The following ANKRD12 variants were observed in gnomAD, a reference collection of about 807,000 sequenced individuals.
ANKRD12 encodes ankyrin repeat domain 12.
A neutral mutation model predicts 183.4 loss-of-function variants in ANKRD12; 85 were observed. The observed-to-expected ratio is 0.46, with a 90% CI of 0.39 to 0.56. ANKRD12 has a LOEUF of 0.56. ANKRD12 is among the 20% of genes least tolerant of loss of function. The probability of loss-of-function intolerance (pLI) is 0.00; values close to 1 mark genes in which losing one functional copy is unlikely to be tolerated. For missense variants in ANKRD12, 2,405 were observed against 2,357.1 expected (o/e 1.02, Z -0.42); for synonymous variants, 914 against 800.2 (o/e 1.14, Z -2.40).
chr18:9,256,747 A>G lies in ANKRD12; in HGVS notation c.3480A>G (p.Val1160=), dbSNP rs759821412. The part of the protein sequence containing the change: ...YTKEKQPKDA[V]SNRSQSVDTK... ...AGGAGAAACAACCTAAAGATGCTGT[A>G]AGTAACAGATCACAATCTGTTGACA... The change falls in exon 9 of 13, where the codon GTA becomes GTG. Residue 1160 remains valine (V), a synonymous_variant. Transcript: ENST00000262126. 5 of 1,613,544 alleles carry G rather than the reference A, an allele frequency of 3.1e-6. No homozygotes were observed. The highest frequency in any genetic ancestry group is 2.5e-6 in the Non-Finnish European group (3 of 1,179,870).
Position 9,154,372 on chromosome 18 carries a change from A to G in ANKRD12, c.-52+17407A>G, listed in dbSNP as rs1335130692. Among the ~76,000 whole-genome samples, 4 of 152,268 alleles carry G rather than the reference A, an allele frequency of 2.6e-5. No homozygotes were observed. The East Asian group carries it at 7.7e-4, about 29-fold the overall frequency. On this transcript the variant is annotated intron_variant, in intron 1 of 12. Transcript: ENST00000262126. ...GACTGCAGTGCACCATGATCATGCCACTGCACTCCAGTCTGAGCTACAGAA... is the reference window on the plus strand; with the variant it reads ...GACTGCAGTGCACCATGATCATGCCGCTGCACTCCAGTCTGAGCTACAGAA...
At chr18:9,149,793 A>T (rs4797358) in intron 1 of ANKRD12, among the ~76,000 whole-genome samples, 110,773 of 144,948 alleles carry the variant, frequency 0.76, 42,293 homozygotes, top group Middle Eastern at 0.88. Flanking sequence ...TATTTATTAA[A>T]TTTTATTTTT....
At chr18:9,274,760 A>G (rs2039754239) in intron 10 of ANKRD12, among the ~76,000 whole-genome samples, 1 of 152,212 alleles carries the variant, frequency 6.6e-6, no homozygotes, top group Non-Finnish European at 1.5e-5. Context: ...GGGAGTTCTC[A>G]AATTTCTCAA....
intron 8 of ANKRD12, among the ~76,000 whole-genome samples, chr18:9,234,354 T>G (rs1156317827): frequency 2.0e-5 from 3 of 152,120 alleles, no homozygotes; most frequent in Non-Finnish European, 1.5e-5. Context: ...ACGGGGGATC[T>G]CTCTCTCACA....
At chr18:9,221,448 T>G (rs1377525313) in intron 7 of ANKRD12, among the ~76,000 whole-genome samples, 1 of 152,208 alleles carries the variant, frequency 6.6e-6, no homozygotes, top group East Asian at 1.9e-4. Flanking sequence ...AGGGAAATAC[T>G]TCTTTGAAAC....
chr18:9,270,791 A>G (rs886270058), intron 10 of ANKRD12, among the ~76,000 whole-genome samples: 1 of 152,208 alleles, frequency 6.6e-6, no homozygotes, highest in East Asian at 1.9e-4. Context: ...TCTTACTTGA[A>G]TTGTGCAATT....
intron 11 of ANKRD12, among the ~76,000 whole-genome samples, chr18:9,276,681 C>T (rs778888752): frequency 2.6e-5 from 4 of 151,578 alleles, no homozygotes; most frequent in East Asian, 1.9e-4. Flanking sequence ...CCACTGCACT[C>T]GAGCCTGGGC....
intron 1 of ANKRD12, among the ~76,000 whole-genome samples, chr18:9,172,320 A>G (rs1372601176): frequency 6.6e-6 from 1 of 152,062 alleles, no homozygotes; most frequent in East Asian, 1.9e-4. Context: ...TATGTTTTCT[A>G]ATTTGATTCC....
Position 9,256,214 on chromosome 18 carries a change from A to G in ANKRD12, c.2947A>G (p.Lys983Glu). 2 of 1,577,972 alleles carry G rather than the reference A, an allele frequency of 1.3e-6. No homozygotes were observed. The highest frequency in any genetic ancestry group is 1.7e-6 in the Non-Finnish European group (2 of 1,169,486). ...CTCCAAACACATACAGGAAGAAAAA[A>G]AATCAAGTATAGTAGACGGTAATAA... ...TNSKHIQEEK[K>E]SSIVDGNKAQ... is the part of the protein sequence containing the mutation. Residue 983 changes from lysine to glutamate, a missense_variant, in exon 9 of 13, where the codon AAA becomes GAA. Transcript: ENST00000262126.
chr18:9,270,746 C>T lies in ANKRD12; in HGVS notation c.5764-4778C>T, dbSNP rs148872057. Among the ~76,000 whole-genome samples, 426 of 152,204 alleles carry T rather than the reference C, an allele frequency of 2.8e-3. 1 individual carries two copies. The highest frequency in any genetic ancestry group is 9.9e-3 in the African/African-American group (412 of 41,518). On this transcript the variant is annotated intron_variant, in intron 10 of 12. Coordinates refer to ENST00000262126, the MANE Select transcript of ANKRD12 (RefSeq NM_015208.5). ...CAAACCTGCACGTTGTGCACATGTA[C>T]CCTAAAACTTAAAAGTATAATATAA...
chr18:9,275,777 T>C (rs2039802648), intron 11 of ANKRD12, 110 bp downstream of exon 11: 9 of 1,133,988 alleles, frequency 7.9e-6, no homozygotes, highest in Non-Finnish European at 1.1e-5. Context: ...TCATTAAAGG[T>C]CAAAGAAGAA....
intron 1 of ANKRD12, among the ~76,000 whole-genome samples, chr18:9,144,873 GTATT>G (rs901100195): frequency 5.3e-5 from 8 of 151,596 alleles, no homozygotes; most frequent in African/African-American, 1.5e-4. Flanking sequence ...AATTATGTAT[GTATT>G]TGTATGTATG....
rs761330864 is a variant in ANKRD12, at chr18:9,255,002, G to A, written c.1735G>A (p.Asp579Asn). Residue 579 changes from aspartate (D) to asparagine (N), a missense_variant, in exon 9 of 13, where the codon GAT becomes AAT. Asp to Asn is a conservative substitution (Grantham distance 23). Around this residue, in one of 7 missense-constraint regions of ANKRD12, gnomAD observed 1,983 missense variants for 1,725.9 expected, o/e 1.15. Coordinates refer to ENST00000262126, the MANE Select transcript of ANKRD12 (RefSeq NM_015208.5). Reference sequence around the variant, plus strand: ...AAGTTCTGAAATGTCATTACAGCCTGATCTTGTTCGGTATGATAATACAGA... The same window carrying A: ...AAGTTCTGAAATGTCATTACAGCCTAATCTTGTTCGGTATGATAATACAGA... Reference protein sequence around the residue: ...PGSSEMSLQPDLVRYDNTESE... With the variant: ...PGSSEMSLQPNLVRYDNTESE... 2 of 1,608,846 alleles carry A rather than the reference G, an allele frequency of 1.2e-6. No homozygotes were observed. The highest frequency in any genetic ancestry group is 2.2e-5 in the South Asian group (2 of 89,742).
At chr18:9,279,526 T>C (rs3213925) in intron 11 of ANKRD12, 23 bp from the exon 12 acceptor site, 105,479 of 1,372,864 alleles carry the variant, frequency 0.077, 4,386 homozygotes, top group Non-Finnish European at 0.085. Flanking sequence ...TTGTATTTTA[T>C]AATACTCACT....
At chr18:9,200,443 A>G (rs552197654) in intron 3 of ANKRD12, 2 of 152,336 alleles carry the variant, frequency 1.3e-5, no homozygotes, top group South Asian at 4.1e-4. Flanking sequence ...TCTAAAAGAT[A>G]TTTCTTACAC....
chr18:9,173,761 T>C (rs1443847122), intron 1 of ANKRD12, among the ~76,000 whole-genome samples: 1 of 152,068 alleles, frequency 6.6e-6, no homozygotes, highest in Non-Finnish European at 1.5e-5. Flanking sequence ...CTGGTTGCTT[T>C]TTGGTAGATC....
Position 9,159,409 on chromosome 18 carries a change from C to T in ANKRD12, c.-52+22444C>T, listed in dbSNP as rs141923186. ...AACAGCAAGAAATCTGGCTTCTATT[C>T]GCCATCCATTTATTTTTTTACTTTT... is the stretch of plus-strand genomic sequence containing the variant. On this transcript the variant is annotated intron_variant, in intron 1 of 12. Coordinates refer to ENST00000262126, the MANE Select transcript of ANKRD12 (RefSeq NM_015208.5). Among the ~76,000 whole-genome samples, 715 of 152,160 alleles carry T rather than the reference C, an allele frequency of 4.7e-3. 3 individuals carry two copies. Among genetic ancestry groups the T allele is most frequent in the Non-Finnish European group, 7.7e-3 (522 of 67,992 alleles).
intron 1 of ANKRD12, among the ~76,000 whole-genome samples, chr18:9,171,603 T>C (rs910431352): frequency 3.3e-5 from 5 of 152,298 alleles, no homozygotes; most frequent in Non-Finnish European, 5.9e-5. Flanking sequence ...AGTGCTTCTT[T>C]TGGGAGCTCT....
chr18:9,204,089 C>T (rs550090087), intron 3 of ANKRD12, among the ~76,000 whole-genome samples: 2 of 152,244 alleles, frequency 1.3e-5, no homozygotes, highest in South Asian at 4.1e-4. Context: ...GTCGAGTTGG[C>T]ACTCATAGAA....
Sources: gnomAD v4.1 joint callset for allele counts (sites outside exome capture counted in the v4.1 genomes callset) on GRCh38, gnomAD v4.1.1 for gene constraint, gnomAD v4.1.1 regional missense constraint, MANE v1.5 for transcripts, NCBI Gene and HGNC (gene_info 2026-07-23, HGNC 2026-07-21) for gene names.